DLG2: variants seen among roughly 807,000 people sequenced by gnomAD.
The protein encoded by DLG2 is disks large homolog 2.
A neutral mutation model predicts 132.5 loss-of-function variants in DLG2; 45 were observed. The ratio of observed to expected loss-of-function variants is 0.34; its 90% CI spans 0.27 to 0.44. DLG2 has a LOEUF of 0.44. DLG2 is among the 20% of genes least tolerant of loss of function. The pLI is 1.00. For missense variants in DLG2, 1,045 were observed against 1,196.9 expected, an observed-to-expected ratio of 0.87 and a Z score of 1.87; for synonymous variants, 424 against 419.6, an observed-to-expected ratio of 1.01 and a Z score of -0.13.
intron 6 of DLG2, among the ~76,000 whole-genome samples, chr11:84,964,709 T>A (rs2053080081): frequency 6.6e-6 from 1 of 152,124 alleles, no homozygotes; most frequent in Non-Finnish European, 1.5e-5. Context: ...ACTTAGTCTT[T>A]ACACAGTTTA....
chr11:84,688,873 C>T (rs1413188944), intron 6 of DLG2, among the ~76,000 whole-genome samples: 1 of 152,130 alleles, frequency 6.6e-6, no homozygotes, highest in Admixed American at 6.5e-5. Flanking sequence ...ATGAAATCCT[C>T]AAAAGCAAAA....
chr11:84,914,610 G>A (rs1252310147), intron 6 of DLG2, among the ~76,000 whole-genome samples: 2 of 152,156 alleles, frequency 1.3e-5, no homozygotes, highest in Non-Finnish European at 2.9e-5. Flanking sequence ...ACACACTCAA[G>A]TCAGGGGAAC....
chr11:83,486,298 T>C (rs1191555257), intron 21 of DLG2: 3 of 672,120 alleles, frequency 4.5e-6, no homozygotes, highest in African/African-American at 3.6e-5. Context: ...TGGCATGTGA[T>C]ACTGCAAGGT....
intron 5 of DLG2, among the ~76,000 whole-genome samples, chr11:85,152,584 T>C (rs1392778538): frequency 1.3e-5 from 2 of 152,194 alleles, no homozygotes; most frequent in Non-Finnish European, 2.9e-5. Context: ...CGCACCCAGC[T>C]CCACAAATTA....
At chr11:85,620,719 T>C (rs765196865) in intron 2 of DLG2, among the ~76,000 whole-genome samples, 4 of 152,172 alleles carry the variant, frequency 2.6e-5, no homozygotes, top group Non-Finnish European at 5.9e-5. Context: ...CAATTCTATA[T>C]AGGCTGAGAG....
At chr11:85,355,801 C>G (rs1275829789) in intron 3 of DLG2, among the ~76,000 whole-genome samples, 1 of 152,116 alleles carries the variant, frequency 6.6e-6, no homozygotes, top group Non-Finnish European at 1.5e-5. Flanking sequence ...TAATGTGGCC[C>G]TGTTTGCTAT....
chr11:85,509,755 G>A (rs2094015073), intron 3 of DLG2, among the ~76,000 whole-genome samples: 1 of 152,010 alleles, frequency 6.6e-6, no homozygotes. Flanking sequence ...TGGGATAGAG[G>A]TTAAAAAGAC....
intron 9 of DLG2, among the ~76,000 whole-genome samples, chr11:84,136,155 C>A (rs1490533144): frequency 2.0e-5 from 3 of 152,052 alleles, no homozygotes; most frequent in Non-Finnish European, 4.4e-5. Context: ...TTCATACAAA[C>A]CCTAAATATT....
intron 6 of DLG2, chr11:84,545,414 A>G (rs2099387671): frequency 4.1e-6 from 2 of 485,094 alleles, no homozygotes; most frequent in African/African-American, 2.0e-5. Context: ...CACCAAAGCT[A>G]CTACGACCAC....
At chr11:84,133,729 C>A (rs185104322) in intron 9 of DLG2, among the ~76,000 whole-genome samples, 1 of 152,126 alleles carries the variant, frequency 6.6e-6, no homozygotes, top group East Asian at 1.9e-4. Flanking sequence ...AACCCTCTCA[C>A]CTCAGCCTGT....
intron 6 of DLG2, among the ~76,000 whole-genome samples, chr11:84,823,065 C>A (rs2077888867): frequency 6.6e-6 from 1 of 151,778 alleles, no homozygotes; most frequent in Non-Finnish European, 1.5e-5. Flanking sequence ...GTATGTAAAA[C>A]ATCTTTTTAG....
intron 9 of DLG2, among the ~76,000 whole-genome samples, chr11:84,155,038 A>G (rs922861743): frequency 9.9e-5 from 15 of 152,220 alleles, no homozygotes; most frequent in Non-Finnish European, 1.9e-4. Context: ...TAATATCCAG[A>G]ATCTACAAAG....
At chr11:84,816,881 C>T (rs962009819) in intron 6 of DLG2, among the ~76,000 whole-genome samples, 1 of 151,978 alleles carries the variant, frequency 6.6e-6, no homozygotes, top group African/African-American at 2.4e-5. Flanking sequence ...AGCTTATATA[C>T]AACATTTACT....
intron 6 of DLG2, among the ~76,000 whole-genome samples, chr11:84,788,100 CAAAA>C (rs139086655): frequency 6.6e-5 from 3 of 45,666 alleles, no homozygotes; most frequent in African/African-American, 2.1e-4. Flanking sequence ...GAATATGTCT[CAAAA>C]AAAAAAAAAA....
chr11:84,284,188 C>T (rs1330628119), intron 7 of DLG2, among the ~76,000 whole-genome samples: 2 of 152,132 alleles, frequency 1.3e-5, no homozygotes, highest in Non-Finnish European at 2.9e-5. Context: ...GAGCCGAGAT[C>T]GCACCATTGC....
intron 3 of DLG2, among the ~76,000 whole-genome samples, chr11:85,598,031 C>T (rs1200098139): frequency 6.6e-6 from 1 of 151,076 alleles, no homozygotes; most frequent in African/African-American, 2.4e-5. Context: ...ATAAATAAAC[C>T]ATATCCTTAA....
intron 3 of DLG2, among the ~76,000 whole-genome samples, chr11:85,392,186 A>T (rs1217803184): frequency 6.6e-6 from 1 of 152,176 alleles, no homozygotes; most frequent in Non-Finnish European, 1.5e-5. Flanking sequence ...CCCCTTTTAC[A>T]ATACCTGCAA....
At chr11:84,347,247 T>C (rs1327782265) in intron 7 of DLG2, among the ~76,000 whole-genome samples, 1 of 152,170 alleles carries the variant, frequency 6.6e-6, no homozygotes, top group Non-Finnish European at 1.5e-5. Context: ...AGCAAATGAC[T>C]TCTTAGATGT....
intron 7 of DLG2, among the ~76,000 whole-genome samples, chr11:84,438,396 A>G (rs1242535833): frequency 6.6e-6 from 1 of 152,160 alleles, no homozygotes. Flanking sequence ...ATTTTTTGAC[A>G]TAGTTACTGG....
Sources: allele counts gnomAD v4.1 joint callset (sites outside exome capture counted in the v4.1 genomes callset), GRCh38; gene constraint gnomAD v4.1.1; transcripts MANE v1.5; gene names NCBI Gene and HGNC (gene_info 2026-07-23, HGNC 2026-07-21).